Variants in SYNE1 observed in about 807,000 individuals in gnomAD.
The protein encoded by SYNE1 is nesprin-1.
Under a neutral mutation model 1,111.0 loss-of-function variants are expected in SYNE1, and 616 were observed. That is an observed-to-expected ratio of 0.55 (90% CI 0.52 to 0.59). SYNE1 has a LOEUF of 0.59. Ranked by LOEUF, SYNE1 falls within the 20% of genes least tolerant of loss-of-function variation. The pLI is 0.00. For synonymous variants in SYNE1, 3,855 were observed against 3,825.8 expected, an observed-to-expected ratio of 1.01 and a Z score of -0.28; for missense variants, 10,006 against 10,417.0, an observed-to-expected ratio of 0.96 and a Z score of 1.72.
rs564226533 is a variant in SYNE1 at position 152,628,564 on chromosome 6, A to G, written c.-223-10T>C. ...ACATGAACTCAAGAACCTGAAAAAC[A>G]AAAAAGAAAAGGTACAACATAAAAA... On this transcript the variant is annotated splice_polypyrimidine_tract_variant and intron_variant, in intron 2 of 145. Coordinates refer to ENST00000367255, the MANE Select transcript of SYNE1 (RefSeq NM_182961.4). 3.3e-5 allele frequency: 18 copies of G among 552,276 alleles called. No individual in the cohort carries two copies. In the African/African-American group the frequency reaches 3.4e-4, roughly 10 times the overall value. The allele number at this position is 552,276 out of a possible 1,614,324, so 34.2% of individuals were successfully genotyped here. A position where few individuals can be genotyped will look rare whatever the true frequency, so the allele number is the denominator to read the frequency against.
At chr6:152,263,296 C>T (rs1017223126) in intron 100 of SYNE1, among the ~76,000 whole-genome samples, 2 of 151,998 alleles carry the variant, frequency 1.3e-5, no homozygotes, top group Non-Finnish European at 2.9e-5. Flanking sequence ...GTACAGGACA[C>T]GGAGGGATAG....
intron 131 of SYNE1, among the ~76,000 whole-genome samples, chr6:152,158,788 C>T (rs116801939): frequency 0.056 from 8,481 of 152,214 alleles, 438 homozygotes; most frequent in South Asian, 0.15. Context: ...TGTTAGGCCC[C>T]TGGACATAAA....
chr6:152,552,070 G>A (rs1244938679), intron 3 of SYNE1, among the ~76,000 whole-genome samples: 1 of 152,168 alleles, frequency 6.6e-6, no homozygotes, highest in African/African-American at 2.4e-5. Flanking sequence ...ATTTTAACCT[G>A]AAACTGTATT....
chr6:152,237,073 G>T, intron 108 of SYNE1, 125 bp from the exon 109 acceptor site: 3 of 1,346,640 alleles, frequency 2.2e-6, no homozygotes, highest in Non-Finnish European at 3.1e-6. Context: ...TTTGCGTTGG[G>T]CCTTGCTTTG....
At chr6:152,483,362 CTAAGT>C (rs1694599798) in intron 13 of SYNE1, 113 bp from the exon 14 acceptor site, 7 of 919,482 alleles carry the variant, frequency 7.6e-6, no homozygotes, top group Non-Finnish European at 1.2e-5. Flanking sequence ...TGATTTCAGG[CTAAGT>C]TAATAAATAT....
chr6:152,471,084 G>A (rs1564279792), intron 16 of SYNE1, among the ~76,000 whole-genome samples: 1 of 152,000 alleles, frequency 6.6e-6, no homozygotes, highest in African/African-American at 2.4e-5. Flanking sequence ...TAGATAAAAT[G>A]TTACTCTTCC....
Position 152,636,760 on chromosome 6 carries a change from C to T in SYNE1, c.-346G>A, listed in dbSNP as rs899022433. 2.3e-4 allele frequency: 35 copies of T among 152,382 alleles called. No homozygotes were observed. Among genetic ancestry groups the T allele is most frequent in the African/African-American group, 8.2e-4 (34 of 41,590 alleles). 9.4% of individuals were successfully genotyped at this position (152,382 alleles called of 1,614,324 possible). Reference sequence around the variant, plus strand: ...ATGCGCGGCTGTCCGCCCGCCCTGTCGCCGGGATCGGGCGCGGTCTGCAGG... The same window carrying T: ...ATGCGCGGCTGTCCGCCCGCCCTGTTGCCGGGATCGGGCGCGGTCTGCAGG... On this transcript the variant is annotated 5_prime_UTR_variant, in exon 2 of 146. Transcript: ENST00000367255.
chr6:152,341,290 G>T (rs2096529803), intron 74 of SYNE1, among the ~76,000 whole-genome samples: 1 of 152,152 alleles, frequency 6.6e-6, no homozygotes, highest in African/African-American at 2.4e-5. Context: ...AAGAGAATAA[G>T]TTGTCAGAAT....
intron 29 of SYNE1, among the ~76,000 whole-genome samples, chr6:152,446,705 CA>C (rs2098595862): frequency 6.6e-6 from 1 of 152,052 alleles, no homozygotes; most frequent in Non-Finnish European, 1.5e-5. Flanking sequence ...CATTATCTTC[CA>C]AAGCACAAAC....
intron 137 of SYNE1, chr6:152,144,316 G>T: frequency 6.3e-6 from 1 of 159,674 alleles, no homozygotes; most frequent in Non-Finnish European, 1.4e-5. Flanking sequence ...GATATATACA[G>T]AGATATCAAA....
intron 124 of SYNE1, among the ~76,000 whole-genome samples, chr6:152,210,103 C>T (rs778312606): frequency 2.0e-5 from 3 of 152,148 alleles, no homozygotes; most frequent in Admixed American, 6.5e-5. Context: ...CTCTAAAAAA[C>T]GTAACTCATA....
At chr6:152,269,993 C>G (rs1243687079) in intron 98 of SYNE1, among the ~76,000 whole-genome samples, 2 of 152,140 alleles carry the variant, frequency 1.3e-5, no homozygotes, top group Non-Finnish European at 2.9e-5. Context: ...CAGACCAGGT[C>G]TTGACCTCTA....
Position 152,533,713 on chromosome 6 carries a change from C to T in SYNE1, c.129+6247G>A, listed in dbSNP as rs565401344. ...CAGAAGAGCTTCTTGATCTTCTTTACTGTCCATCTCCCCCATTAGGATATA... is the reference window on the plus strand; with the variant it reads ...CAGAAGAGCTTCTTGATCTTCTTTATTGTCCATCTCCCCCATTAGGATATA... On this transcript the variant is annotated intron_variant, in intron 4 of 145. Transcript: ENST00000367255. Among the ~76,000 whole-genome samples, 19 of 152,262 alleles carry T rather than the reference C, an allele frequency of 1.2e-4. No homozygotes were observed. The South Asian group carries it at 3.3e-3, about 27-fold the overall frequency.
intron 66 of SYNE1, among the ~76,000 whole-genome samples, chr6:152,357,809 A>G (rs1424270393): frequency 1.3e-5 from 2 of 152,212 alleles, no homozygotes; most frequent in Admixed American, 1.3e-4. Flanking sequence ...AAATAAGTAT[A>G]TAGATTGTGA....
rs754074875 is a variant in SYNE1 at position 152,416,417 on chromosome 6, T to C, written c.6020A>G (p.Lys2007Arg). ...CTGAAGAGCTTGGCGGGTAGGTTCT[T>C]TCAATCGCTCTTTGTCAGTCCTTTC... ...IEERTDKERL[K>R]EPTRQALQQR... Residue 2007 changes from lysine (K) to arginine (R), a missense_variant, in exon 41 of 146, where the codon AAA (lysine) becomes AGA (arginine). By Grantham distance (26) the Lys-to-Arg change is conservative. Transcript: ENST00000367255. 10 of 1,614,062 alleles carry C rather than the reference T, an allele frequency of 6.2e-6. No individual in the cohort carries two copies. Among genetic ancestry groups the C allele is most frequent in the South Asian group, 1.1e-5 (1 of 91,094 alleles).
chr6:152,128,709 A>G (rs2054370208), intron 145 of SYNE1: 2 of 152,238 alleles, frequency 1.3e-5, no homozygotes, highest in South Asian at 4.1e-4. Context: ...ATTCTAAACT[A>G]TTTATGCTTC....
intron 4 of SYNE1, among the ~76,000 whole-genome samples, chr6:152,531,869 A>G (rs1202111388): frequency 2.0e-5 from 3 of 152,144 alleles, no homozygotes; most frequent in Non-Finnish European, 4.4e-5. Context: ...CATTGTATGG[A>G]TATACCACAT....
Position 152,154,996 on chromosome 6 carries a change from A to C in SYNE1, c.24025T>G (p.Ser8009Ala). The stretch of plus-strand genomic sequence containing the variant: ...GACTTCAGCCAATCTTCAAAACGTG[A>C]ATAGTCATCCAGAAATTTCTGCCAC... ...RLWQKFLDDY[S>A]RFEDWLKSSE... The change falls in exon 133 of 146, where the codon TCA becomes GCA. Residue 8009 changes from serine (S) to alanine (A), a missense_variant. Physicochemically the swap from Ser to Ala is moderately conservative, Grantham distance 99. Coordinates refer to ENST00000367255, the MANE Select transcript of SYNE1 (RefSeq NM_182961.4). The C allele has an allele frequency of 1.2e-6, 2 of 1,614,198 alleles. No homozygotes were observed. The highest frequency in any genetic ancestry group is 1.7e-6 in the Non-Finnish European group (2 of 1,180,022).
At chr6:152,169,561 C>CAAAAA (rs371955068) in intron 130 of SYNE1, among the ~76,000 whole-genome samples, 1 of 18,090 alleles carries the variant, frequency 5.5e-5, no homozygotes, top group Non-Finnish European at 8.7e-5. Context: ...GACTCCATCT[C>CAAAAA]AAAAAAAAAA....
Sources: gnomAD v4.1 joint callset for allele counts (sites outside exome capture counted in the v4.1 genomes callset) on GRCh38, gnomAD v4.1.1 for gene constraint, MANE v1.5 for transcripts, NCBI Gene and HGNC (gene_info 2026-07-23, HGNC 2026-07-21) for gene names.